TRMT2A: variants seen among roughly 807,000 people sequenced by gnomAD.
TRMT2A encodes the protein tRNA methyltransferase 2A, also known as tRNA (uracil-5-)-methyltransferase homolog A.
TRMT2A carries 60 observed loss-of-function variants against 59.3 expected under a neutral mutation model. The ratio of observed to expected loss-of-function variants is 1.01; its 90% CI spans 0.82 to 1.26. TRMT2A has a LOEUF of 1.26. Ranked by LOEUF, TRMT2A falls within the 50% of genes most tolerant of loss-of-function variation. The pLI, the probability that TRMT2A is intolerant of heterozygous loss-of-function variation, is 0.00. For missense variants in TRMT2A, 863 were observed against 845.2 expected, an observed-to-expected ratio of 1.02 and a Z score of -0.26; for synonymous variants, 403 against 353.7, an observed-to-expected ratio of 1.14 and a Z score of -1.56.
chr22:20,115,756 G>A lies in TRMT2A; in HGVS notation c.624C>T (p.Ala208=), dbSNP rs779112775. 1 of 1,610,476 alleles carries A rather than the reference G, an allele frequency of 6.2e-7. No individual in the cohort carries two copies. Among genetic ancestry groups the A allele is most frequent in the East Asian group, 2.2e-5 (1 of 44,746 alleles). Residue 208 remains alanine (A), a synonymous_variant, in exon 3 of 12, where the codon GCC becomes GCT. Coordinates refer to ENST00000252136, the MANE Select transcript of TRMT2A (RefSeq NM_022727.6). Reference sequence around the variant, plus strand: ...TCTGCTCGAGCAGCCAGGGCAGCAAGGCACGGTTGGTGCTCCCGATTTCCC... The same window carrying A: ...TCTGCTCGAGCAGCCAGGGCAGCAAAGCACGGTTGGTGCTCCCGATTTCCC... The part of the protein sequence containing the change: ...LAKEIGSTNR[A]LLPWLLEQRH...
intron 2 of TRMT2A, 84 bp downstream of exon 2, chr22:20,115,954 C>T: frequency 6.8e-7 from 1 of 1,480,156 alleles, no homozygotes; most frequent in Non-Finnish European, 9.1e-7. Flanking sequence ...TGTGCTGGGC[C>T]TCCCAACTGG....
Position 20,115,773 on chromosome 22 carries a change from C to T in TRMT2A, c.607G>A (p.Gly203Arg), listed in dbSNP as rs1362165884. The change falls in exon 3 of 12, where the codon GGG becomes AGG. Residue 203 changes from glycine (G) to arginine (R), a missense_variant. Coordinates refer to ENST00000252136, the MANE Select transcript of TRMT2A (RefSeq NM_022727.6). ...QVLQKLAKEI[G>R]STNRALLPWL... The stretch of plus-strand genomic sequence containing the variant: ...GGCAGCAAGGCACGGTTGGTGCTCC[C>T]GATTTCCCTGTAAGAGGAGCAGATC... 6 of 1,607,002 alleles carry T rather than the reference C, an allele frequency of 3.7e-6. No individual in the cohort carries two copies. Among genetic ancestry groups the T allele is most frequent in the South Asian group, 2.2e-5 (2 of 90,970 alleles).
rs759097374 is a variant in TRMT2A, at chr22:20,112,743, G to A, written c.1698C>T (p.Val566=). Residue 566 remains valine, a synonymous_variant, in exon 12 of 12, where the codon GTC becomes GTT. Coordinates refer to ENST00000252136, the MANE Select transcript of TRMT2A (RefSeq NM_022727.6). Reference sequence around the variant, plus strand: ...GGAACAGGTCCACTGCCACAGCCTTGACCGGCCGGAAGGGAATGCCCTTCA... The same window carrying A: ...GGAACAGGTCCACTGCCACAGCCTTAACCGGCCGGAAGGGAATGCCCTTCA... ...NRVKGIPFRP[V]KAVAVDLFPQ... The A allele has an allele frequency of 1.9e-6, 3 of 1,613,716 alleles. No individual in the cohort carries two copies. Among genetic ancestry groups the A allele is most frequent in the African/African-American group, 1.3e-5 (1 of 74,930 alleles).
Position 20,117,132 on chromosome 22 carries a change from T to TGTACCGCCCGCCCGCCAGGGGCC in TRMT2A, c.-249_-227dup, listed in dbSNP as rs2050051787. 3 of 584,228 alleles carry TGTACCGCCCGCCCGCCAGGGGCC rather than the reference T, an allele frequency of 5.1e-6. No homozygotes were observed. Among genetic ancestry groups the TGTACCGCCCGCCCGCCAGGGGCC allele is most frequent in the Non-Finnish European group, 8.4e-6 (3 of 355,240 alleles). 36.2% of individuals were successfully genotyped at this position (584,228 alleles called of 1,614,324 possible). A position where few individuals can be genotyped will look rare whatever the true frequency, so the allele number is the denominator to read the frequency against. On this transcript the variant is annotated 5_prime_UTR_variant, in exon 1 of 12. Coordinates refer to ENST00000252136, the MANE Select transcript of TRMT2A (RefSeq NM_022727.6). ...CAGGTCCGGGTCTCAGGCTTGGGGC[T>TGTACCGCCCGCCCGCCAGGGGCC]GTACCGCCCGCCCGCCAGGGGCCCG... is the stretch of plus-strand genomic sequence containing the variant.
Position 20,113,409 on chromosome 22 carries a change from CCACCCA to C in TRMT2A, c.1432+17_1432+22del. On this transcript the variant is annotated intron_variant, in intron 9 of 11. Coordinates refer to ENST00000252136, the MANE Select transcript of TRMT2A (RefSeq NM_022727.6). Reference sequence around the variant, plus strand: ...GTGGCGGCTGCCCCCATCCCCACCCCCACCCACGGCCTTGCCACTCACCATTGTCCT... The same window carrying C: ...GTGGCGGCTGCCCCCATCCCCACCCCCGGCCTTGCCACTCACCATTGTCCT... The C allele has an allele frequency of 6.4e-7, 1 of 1,559,090 alleles. No individual in the cohort carries two copies. Among genetic ancestry groups the C allele is most frequent in the Non-Finnish European group, 8.7e-7 (1 of 1,144,118 alleles).
Position 20,114,743 on chromosome 22 carries a change from C to T in TRMT2A, c.1121+18G>A. ...CAGTCCCTGCAGGGACCTGCCCCGC[C>T]CCACTCGGGCTCCTTACCGCTGTCC... On this transcript the variant is annotated intron_variant, in intron 6 of 11. Transcript: ENST00000252136. 1.2e-6 allele frequency: 2 copies of T among 1,611,802 alleles called. No individual in the cohort carries two copies. The highest frequency in any genetic ancestry group is 1.7e-6 in the Non-Finnish European group (2 of 1,179,520).
intron 7 of TRMT2A, among the ~76,000 whole-genome samples, chr22:20,114,170 C>T (rs577874738): frequency 6.6e-6 from 1 of 152,196 alleles, no homozygotes; most frequent in Non-Finnish European, 1.5e-5. Context: ...CCCACCCCCA[C>T]ACCTAGCCCT....
At position 20,116,322 on chromosome 22, in the gene TRMT2A, G is replaced by T. The variant is rs41281431; in HGVS notation, c.315C>A (p.Leu105=). The T allele has an allele frequency of 1.2e-6, 2 of 1,612,992 alleles. No individual in the cohort carries two copies. Among genetic ancestry groups the T allele is most frequent in the Non-Finnish European group, 1.7e-6 (2 of 1,180,026 alleles). Residue 105 remains leucine (L), a synonymous_variant, in exon 2 of 12, where the codon CTC becomes CTA. Transcript: ENST00000252136. ...RFGLQPHKTK[L]FGQPPCAFVT... is the part of the protein sequence containing the mutation. ...CAAAGGCGCAGGGTGGTTGCCCAAA[G>T]AGTTTGGTTTTGTGGGGCTGCAGAC...
Position 20,116,487 on chromosome 22 carries a change from A to G in TRMT2A, c.150T>C (p.Ala50=), listed in dbSNP as rs1168788230. The change falls in exon 2 of 12, where the codon GCT becomes GCC. Residue 50 remains alanine, a synonymous_variant. Coordinates refer to ENST00000252136, the MANE Select transcript of TRMT2A (RefSeq NM_022727.6). ...GCCCGGGCTGAGGCCCCGGCCCTGT[A>G]GCCGCCCCAGCGCCCTCTTTCTCCA... ...EEVEKEGAGA[A]TGPGPQPGLY... 3 of 1,612,702 alleles carry G rather than the reference A, an allele frequency of 1.9e-6. No homozygotes were observed. Among genetic ancestry groups the G allele is most frequent in the Non-Finnish European group, 2.5e-6 (3 of 1,179,896 alleles).
At position 20,112,354 on chromosome 22, in the gene TRMT2A, G is replaced by T; in HGVS notation, c.*209C>A. The T allele has an allele frequency of 1.6e-6, 1 of 626,812 alleles. No homozygotes were observed. The highest frequency in any genetic ancestry group is 2.8e-6 in the Non-Finnish European group (1 of 361,084). The allele number at this position is 626,812 out of a possible 1,614,324, so 38.8% of individuals were successfully genotyped here. A position where few individuals can be genotyped will look rare whatever the true frequency, so the allele number is the denominator to read the frequency against. ...TCACAGCCTTGGCTAGTCCACAAAG[G>T]CCCTGGGGATGGGCAACAGGCTACA... On this transcript the variant is annotated 3_prime_UTR_variant, in exon 12 of 12. Transcript: ENST00000252136.
Position 20,113,766 on chromosome 22 carries a change from C to T in TRMT2A, c.1276G>A (p.Asp426Asn), listed in dbSNP as rs146579566. ...AAEVLYTVIQ[D>N]WAQLDAGSMV... Reference sequence around the variant, plus strand: ...CTCCCCGCATCCAATTGGGCCCAGTCCTGGATGACTGTGTAGAGCACCTCG... The same window carrying T: ...CTCCCCGCATCCAATTGGGCCCAGTTCTGGATGACTGTGTAGAGCACCTCG... Residue 426 changes from aspartate to asparagine, a missense_variant, in exon 8 of 12, where the codon GAC becomes AAC. Coordinates refer to ENST00000252136, the MANE Select transcript of TRMT2A (RefSeq NM_022727.6). 3,637 of 1,609,262 alleles carry T rather than the reference C, an allele frequency of 2.3e-3. 4 individuals are homozygous for T. Among genetic ancestry groups the T allele is most frequent in the Admixed American group, 3.2e-3 (191 of 59,830 alleles).
At position 20,113,522 on chromosome 22, in the gene TRMT2A, C is replaced by G; in HGVS notation, c.1357-15G>C. On this transcript the variant is annotated splice_polypyrimidine_tract_variant and intron_variant, in intron 8 of 11. Transcript: ENST00000252136. ...CTCTTTACCTTCTGAAACAGGAAAGCGTGGTGTCGCCCCACCCAGGGAGGG... is the reference window on the plus strand; with the variant it reads ...CTCTTTACCTTCTGAAACAGGAAAGGGTGGTGTCGCCCCACCCAGGGAGGG... The G allele has an allele frequency of 6.2e-7, 1 of 1,613,402 alleles. No individual in the cohort carries two copies. The highest frequency in any genetic ancestry group is 8.5e-7 in the Non-Finnish European group (1 of 1,179,926).
Position 20,112,291 on chromosome 22 carries a change from A to C in TRMT2A, c.*272T>G. 1 of 505,488 alleles carries C rather than the reference A, an allele frequency of 2.0e-6. No homozygotes were observed. Among genetic ancestry groups the C allele is most frequent in the Non-Finnish European group, 3.5e-6 (1 of 285,848 alleles). The allele number at this position is 505,488 out of a possible 1,614,324, so 31.3% of individuals were successfully genotyped here. A position where few individuals can be genotyped will look rare whatever the true frequency, so the allele number is the denominator to read the frequency against. ...TGTTCAGACCCCTGGCTCTCATCAC[A>C]GAAACACCCTTTGTTGAGCAGTTGT... On this transcript the variant is annotated 3_prime_UTR_variant, in exon 12 of 12. Coordinates refer to ENST00000252136, the MANE Select transcript of TRMT2A (RefSeq NM_022727.6).
chr22:20,113,401 C>CCCCCCCCCCCCCCCCCGCCCTGG, intron 9 of TRMT2A, 31 bp downstream of exon 9: 2 of 893,468 alleles, frequency 2.2e-6, no homozygotes, highest in Non-Finnish European at 3.6e-6. Context: ...CTGCCCCCAT[C>CCCCCCCCCCCCCCCCCGCCCTGG]CCCACCCCCA....
Position 20,115,733 on chromosome 22 carries a change from T to C in TRMT2A, c.647A>G (p.Gln216Arg). The change falls in exon 3 of 12, where the codon CAG becomes CGG. Residue 216 changes from glutamine (Q) to arginine (R), a missense_variant. Transcript: ENST00000252136. ...GCAGGCCTTGTTGTGCTTGTGCCTC[T>C]GCTCGAGCAGCCAGGGCAGCAAGGC... Reference protein sequence around the residue: ...NRALLPWLLEQRHKHNKACCP... With the variant: ...NRALLPWLLERRHKHNKACCP... 6.2e-7 allele frequency: 1 copy of C among 1,612,732 alleles called. No individual in the cohort carries two copies. The highest frequency in any genetic ancestry group is 2.2e-5 in the East Asian group (1 of 44,858).
At chr22:20,115,532 C>T (rs2049983979) in intron 3 of TRMT2A, 85 bp from the exon 4 acceptor site, 3 of 1,569,772 alleles carry the variant, frequency 1.9e-6, no homozygotes, top group Non-Finnish European at 1.7e-6. Flanking sequence ...GGCTGGCAGT[C>T]AAACAAGAGG....
chr22:20,112,232 C>G lies in TRMT2A; in HGVS notation c.*331G>C, dbSNP rs1342026154. 2.6e-6 allele frequency: 1 copy of G among 381,274 alleles called. No homozygotes were observed. Among genetic ancestry groups the G allele is most frequent in the African/African-American group, 2.0e-5 (1 of 48,848 alleles). 23.6% of individuals were successfully genotyped at this position (381,274 alleles called of 1,614,324 possible). A position where few individuals can be genotyped will look rare whatever the true frequency, so the allele number is the denominator to read the frequency against. On this transcript the variant is annotated 3_prime_UTR_variant, in exon 12 of 12. Transcript: ENST00000252136. ...GAGAGGCTTGCAGAGCTGCCTAGGC[C>G]TAGTTTGGCCCTTTCCCTGGCACCC...
In TRMT2A at chr22:20,113,228, C is replaced by A; in HGVS notation, c.1439G>T (p.Ser480Ile). 1 of 1,561,732 alleles carries A rather than the reference C, an allele frequency of 6.4e-7. No individual in the cohort carries two copies. The change falls in exon 10 of 12, where the codon AGT (serine) becomes ATT (isoleucine). Residue 480 changes from serine (S) to isoleucine (I), a missense_variant. Coordinates refer to ENST00000252136, the MANE Select transcript of TRMT2A (RefSeq NM_022727.6). ...ARVNAQDNEL[S>I]NVEFHCGRAE... ...CCTCCCGCAGTGGAACTCCACATTACTCAACTCTGAAGAGATGGCACCGTG... is the reference window on the plus strand; with the variant it reads ...CCTCCCGCAGTGGAACTCCACATTAATCAACTCTGAAGAGATGGCACCGTG...
chr22:20,113,400 T>TGCCCCCCCCCCCCCCC, intron 9 of TRMT2A, 32 bp downstream of exon 9: 18 of 1,049,398 alleles, frequency 1.7e-5, no homozygotes, highest in Non-Finnish European at 2.3e-5. Context: ...GCTGCCCCCA[T>TGCCCCCCCCCCCCCCC]CCCCACCCCC....
Sources: gnomAD v4.1 joint callset for allele counts (sites outside exome capture counted in the v4.1 genomes callset) on GRCh38, gnomAD v4.1.1 for gene constraint, MANE v1.5 for transcripts, NCBI Gene and HGNC (gene_info 2026-07-23, HGNC 2026-07-21) for gene names.